The following BRAT1 variants were observed in gnomAD, a reference collection of about 807,000 sequenced individuals.
The protein encoded by BRAT1 is integrator complex assembly factor BRAT1.
A neutral mutation model predicts 70.6 loss-of-function variants in BRAT1; 74 were observed. That is an observed-to-expected ratio of 1.05 (90% confidence interval 0.87 to 1.27). The LOEUF is 1.27. BRAT1 is among the 50% of genes most tolerant of loss of function. The pLI, the probability that BRAT1 is intolerant of heterozygous loss-of-function variation, is 0.00. For missense variants in BRAT1, 1,203 were observed against 1,098.2 expected (o/e 1.10, Z -1.35); for synonymous variants, 615 against 517.1 (o/e 1.19, Z -2.57).
intron 2 of BRAT1, 107 bp from the exon 3 acceptor site, chr7:2,547,585 T>G: frequency 7.8e-7 from 1 of 1,279,822 alleles, no homozygotes; most frequent in Non-Finnish European, 1.1e-6. Flanking sequence ...TTGCAGGGTG[T>G]TAGATTTAGG....
At chr7:2,554,478 A>G (rs1780265309) in intron 1 of BRAT1, 31 bp from the exon 2 acceptor site, 1 of 1,593,020 alleles carries the variant, frequency 6.3e-7, no homozygotes, top group Non-Finnish European at 8.5e-7. Flanking sequence ...CCAAACCTCA[A>G]TGCCCACTCC....
At position 2,537,937 on chromosome 7, in the gene BRAT1, T is replaced by C. The variant is rs1258254794; in HGVS notation, c.*132A>G. On this transcript the variant is annotated 3_prime_UTR_variant, in exon 14 of 14. Coordinates refer to ENST00000340611, the MANE Select transcript of BRAT1 (RefSeq NM_152743.4). ...AAACTGTGGGATTTCTTGACCTTGC[T>C]TCTCTCCTGGTCCTGGCTTCCCCAG... 2 of 1,350,868 alleles carry C rather than the reference T, an allele frequency of 1.5e-6. No individual in the cohort carries two copies. The highest frequency in any genetic ancestry group is 2.7e-5 in the East Asian group (1 of 37,236). The allele number at this position is 1,350,868 out of a possible 1,614,324, so 83.7% of individuals were successfully genotyped here.
In BRAT1 at chr7:2,538,554, A is replaced by C; in HGVS notation, c.1981T>G (p.Phe661Val). The change falls in exon 14 of 14, where the codon TTC (phenylalanine) becomes GTC (valine). Residue 661 changes from phenylalanine (F) to valine (V), a missense_variant. Transcript: ENST00000340611. ...RAQGLELALV[F>V]LGQTLGPPRT... ...GGCGGCCCCAAAGTCTGGCCCAGGAACACGAGGGCCAGCTCCAGGCCCTGG... is the reference window on the plus strand; with the variant it reads ...GGCGGCCCCAAAGTCTGGCCCAGGACCACGAGGGCCAGCTCCAGGCCCTGG... The C allele has an allele frequency of 6.2e-7, 1 of 1,601,188 alleles. No homozygotes were observed. Among genetic ancestry groups the C allele is most frequent in the Non-Finnish European group, 8.5e-7 (1 of 1,177,908 alleles).
intron 2 of BRAT1, among the ~76,000 whole-genome samples, chr7:2,553,315 G>C (rs959030953): frequency 3.9e-5 from 6 of 152,216 alleles, no homozygotes; most frequent in Admixed American, 6.5e-5. Context: ...ACAAGCATGA[G>C]TCACCGCGCC....
intron 13 of BRAT1, 116 bp downstream of exon 13, chr7:2,539,063 G>A: frequency 1.4e-6 from 2 of 1,474,532 alleles, no homozygotes. Flanking sequence ...TGCAGGCGCT[G>A]CCCACAGCAG....
At chr7:2,554,898 G>A (rs1780300766) in intron 1 of BRAT1, among the ~76,000 whole-genome samples, 1 of 152,130 alleles carries the variant, frequency 6.6e-6, no homozygotes, top group South Asian at 2.1e-4. Flanking sequence ...GCGTCAAGTG[G>A]TGGCTGCATT....
Position 2,554,326 on chromosome 7 carries a change from A to G in BRAT1, c.106T>C (p.Phe36Leu). 1 of 1,613,762 alleles carries G rather than the reference A, an allele frequency of 6.2e-7. No homozygotes were observed. Among genetic ancestry groups the G allele is most frequent in the Non-Finnish European group, 8.5e-7 (1 of 1,179,778 alleles). The part of the protein sequence containing the change: ...DTCLEKLLDW[F>L]KTVTEGESSV... ...TTACCTCCTTCAGTGACCGTTTTAA[A>G]CCAGTCCAGGAGCTTCTCCAAACAG... Residue 36 changes from phenylalanine (F) to leucine (L), a missense_variant, in exon 2 of 14, where the codon TTT becomes CTT. Phe to Leu is a conservative substitution (Grantham distance 22, BLOSUM62 0). Transcript: ENST00000340611.
Position 2,538,240 on chromosome 7 carries a change from C to T in BRAT1, c.2295G>A (p.Gly765=), listed in dbSNP as rs1413496978. The T allele has an allele frequency of 1.2e-6, 2 of 1,609,702 alleles. No homozygotes were observed. Among genetic ancestry groups the T allele is most frequent in the South Asian group, 1.1e-5 (1 of 90,998 alleles). The change falls in exon 14 of 14, where the codon GGG becomes GGA. Residue 765 remains glycine (G), a synonymous_variant. Transcript: ENST00000340611. ...CCAGCACAGCCTCAGGCTCCTGGTCCCCTGGGGGCTGGGCCTGCTCACCCG... is the reference window on the plus strand; with the variant it reads ...CCAGCACAGCCTCAGGCTCCTGGTCTCCTGGGGGCTGGGCCTGCTCACCCG... ...WRAGEQAQPP[G]DQEPEAVLAM... is the part of the protein sequence containing the mutation.
intron 3 of BRAT1, 62 bp downstream of exon 3, chr7:2,547,262 T>C: frequency 6.3e-7 from 1 of 1,586,060 alleles, no homozygotes; most frequent in East Asian, 2.2e-5. Context: ...CCCACCTGGC[T>C]GCGGGAGGAA....
intron 8 of BRAT1, 39 bp from the exon 9 acceptor site, chr7:2,541,523 A>G (rs1193937943): frequency 6.6e-7 from 1 of 1,507,842 alleles, no homozygotes; most frequent in Admixed American, 2.1e-5. Context: ...TTGCGGTCCC[A>G]CTGCCGGCGT....
chr7:2,539,048 A>C, intron 13 of BRAT1, 131 bp downstream of exon 13: 1 of 1,453,058 alleles, frequency 6.9e-7, no homozygotes, highest in African/African-American at 1.4e-5. Flanking sequence ...CTCGGCAGTC[A>C]CTGCTGCAGG....
rs1049065176 is a variant in BRAT1, at chr7:2,542,952, G to T, written c.923+252C>A. 4 of 329,720 alleles carry T rather than the reference G, an allele frequency of 1.2e-5. No individual in the cohort carries two copies. In the South Asian group the frequency reaches 2.1e-4, roughly 18 times the overall value. 20.4% of individuals were successfully genotyped at this position (329,720 alleles called of 1,614,324 possible). On this transcript the variant is annotated intron_variant, in intron 6 of 13. Coordinates refer to ENST00000340611, the MANE Select transcript of BRAT1 (RefSeq NM_152743.4). ...CGTCGGCAGGACCACCCTGCTCTGA[G>T]CAGAGCAGCTCCCGCATCCTTCTCA...
intron 4 of BRAT1, chr7:2,544,197 GTTGTTTTT>G (rs1426783484): frequency 2.5e-5 from 3 of 121,406 alleles, no homozygotes; most frequent in Admixed American, 1.2e-4. Context: ...GTTCCTTCTT[GTTGTTTTT>G]TTTTTTTTTT....
chr7:2,538,629 C>T lies in BRAT1; in HGVS notation c.1906G>A (p.Ala636Thr), dbSNP rs775956979. The change falls in exon 14 of 14, where the codon GCC (alanine) becomes ACC (threonine). Residue 636 changes from alanine (A) to threonine (T), a missense_variant. By Grantham distance (58) the Ala-to-Thr change is moderately conservative. Coordinates refer to ENST00000340611, the MANE Select transcript of BRAT1 (RefSeq NM_152743.4). ...DAAQDTEQFV[A>T]TVLQAASRDL... ...CGGCTCGCCGCCTGCAGCACAGTGG[C>T]CACGAACTGCTCCGTGTCCTGGGCC... 5 of 1,598,308 alleles carry T rather than the reference C, an allele frequency of 3.1e-6. No individual in the cohort carries two copies. Among genetic ancestry groups the T allele is most frequent in the South Asian group, 1.1e-5 (1 of 91,018 alleles).
chr7:2,539,773 G>A lies in BRAT1; in HGVS notation c.1498+13C>T. ...ACTCCAGCTCCGTTCACCCCTGCAA[G>A]GGGCTGCGTTACCTCTGAGGAACTG... On this transcript the variant is annotated intron_variant, in intron 11 of 13. Coordinates refer to ENST00000340611, the MANE Select transcript of BRAT1 (RefSeq NM_152743.4). The A allele has an allele frequency of 2.5e-6, 4 of 1,606,346 alleles. No homozygotes were observed. Among genetic ancestry groups the A allele is most frequent in the Non-Finnish European group, 2.6e-6 (3 of 1,176,436 alleles).
chr7:2,539,351 C>A lies in BRAT1; in HGVS notation c.1598G>T (p.Gly533Val), dbSNP rs1196356961. Residue 533 changes from glycine (G) to valine (V), a missense_variant and splice_region_variant, in exon 13 of 14, where the codon GGA becomes GTA. By Grantham distance (109) the Gly-to-Val change is moderately radical. Coordinates refer to ENST00000340611, the MANE Select transcript of BRAT1 (RefSeq NM_152743.4). ...GAGTGCGCATCTGAAGTCAGCCTGT[C>A]CTGGGGGTCGAAACGGCCACATGCA... Reference protein sequence around the residue: ...FLTQLSRHWGGQADFRCALLA... With the variant: ...FLTQLSRHWGVQADFRCALLA... 6.2e-7 allele frequency: 1 copy of A among 1,601,650 alleles called. No individual in the cohort carries two copies. The highest frequency in any genetic ancestry group is 8.5e-7 in the Non-Finnish European group (1 of 1,171,966).
At position 2,538,363 on chromosome 7, in the gene BRAT1, GAGA is replaced by G. The variant is rs762488461; in HGVS notation, c.2169_2171del (p.Leu724del). 6.2e-7 allele frequency: 1 copy of G among 1,613,490 alleles called. No homozygotes were observed. The highest frequency in any genetic ancestry group is 8.5e-7 in the Non-Finnish European group (1 of 1,179,956). On this transcript the variant is annotated inframe_deletion, in exon 14 of 14. Transcript: ENST00000340611. ...AGGAAGCAATCTTGTCCCTCAGGAA[GAGA>G]AGGAGGTCACAAGACTTCTGCGCCA...
Position 2,543,406 on chromosome 7 carries a change from G to A in BRAT1, c.804-83C>T, listed in dbSNP as rs560032715. On this transcript the variant is annotated intron_variant, in intron 5 of 13. Transcript: ENST00000340611. The surrounding 1 kb of genome is among the most constrained non-coding windows in gnomAD (Gnocchi z 5.5). ...GCCTGGCTGAGACTGCCATGGCTCC[G>A]GCACTGGAGGCGCCCAGCCCAAGAC... is the stretch of plus-strand genomic sequence containing the variant. 8.1e-5 allele frequency: 122 copies of A among 1,500,102 alleles called. No individual in the cohort carries two copies. Among genetic ancestry groups the A allele is most frequent in the East Asian group, 1.7e-4 (7 of 42,140 alleles). 92.9% of individuals were successfully genotyped at this position (1,500,102 alleles called of 1,614,324 possible).
chr7:2,542,305 CA>C, intron 6 of BRAT1, 94 bp from the exon 7 acceptor site: 1 of 1,098,678 alleles, frequency 9.1e-7, no homozygotes, highest in Middle Eastern at 2.0e-4. Context: ...GCAAATCAGC[CA>C]GGGGGTTGGG....
Sources: allele counts gnomAD v4.1 joint callset (sites outside exome capture counted in the v4.1 genomes callset), GRCh38; gene constraint gnomAD v4.1.1; non-coding constraint Gnocchi (gnomAD v3.1); transcripts MANE v1.5; gene names NCBI Gene and HGNC (gene_info 2026-07-23, HGNC 2026-07-21).